Variants in TMEM272 observed in about 807,000 individuals in gnomAD.
The protein encoded by TMEM272 is long intergenic non-protein coding RNA 282.
Under a neutral mutation model 3.7 loss-of-function variants are expected in TMEM272, and 8 were observed. The ratio of observed to expected loss-of-function variants is 2.17; its 90% CI spans 1.27 to 3.91. TMEM272 has a LOEUF of 3.91. TMEM272 is among the 30% of genes most tolerant of loss of function. TMEM272 has a pLI of 0.00. For missense variants in TMEM272, 166 were observed against 91.5 expected, an observed-to-expected ratio of 1.81 and a Z score of -3.32; for synonymous variants, 63 against 39.8, an observed-to-expected ratio of 1.58 and a Z score of -2.20.
rs971255455 is a variant in TMEM272 at position 51,815,005 on chromosome 13, T to C, written c.*1746A>G. 2 of 152,660 alleles carry C rather than the reference T, an allele frequency of 1.3e-5. No individual in the cohort carries two copies. The highest frequency in any genetic ancestry group is 4.8e-5 in the African/African-American group (2 of 41,424). The allele number at this position is 152,660 out of a possible 1,614,324, so 9.5% of individuals were successfully genotyped here. On this transcript the variant is annotated 3_prime_UTR_variant, in exon 5 of 5. Transcript: ENST00000629372. ...TTTGCTGCTCACAGATGTCCAAGCA[T>C]TGGCTAAGTGACTGGGAATGGCTGA... is the stretch of plus-strand genomic sequence containing the variant.
chr13:51,909,038 C>T, the TMEM272 span: 6 of 1,478,340 alleles, frequency 4.1e-6, no homozygotes, highest in African/African-American at 4.2e-5. Context: ...GAAAAGCTCT[C>T]GTTTCAGATG....
intron 1 of TMEM272, among the ~76,000 whole-genome samples, chr13:51,841,257 A>G (rs770714652): frequency 5.3e-5 from 8 of 152,236 alleles, no homozygotes; most frequent in Non-Finnish European, 1.0e-4. Flanking sequence ...TGTACTTCAC[A>G]TCTTCCAGCC....
the TMEM272 span, chr13:51,933,068 C>T: frequency 7.2e-5 from 11 of 152,158 alleles, no homozygotes; most frequent in Non-Finnish European, 5.9e-5. Flanking sequence ...GTGAAACTAA[C>T]CATCCAAGGT....
intron 2 of TMEM272, among the ~76,000 whole-genome samples, chr13:51,832,838 C>T (rs1044863233): frequency 6.6e-6 from 1 of 152,206 alleles, no homozygotes; most frequent in African/African-American, 2.4e-5. Context: ...TTCTTGCATT[C>T]GACCAAGGTT....
At chr13:51,899,303 A>G in the TMEM272 span, among the ~76,000 whole-genome samples, 1 of 152,062 alleles carries the variant, frequency 6.6e-6, no homozygotes, top group Non-Finnish European at 1.5e-5. Context: ...CATAGGTGCA[A>G]GGCTTCATAA....
chr13:51,895,173 G>A, the TMEM272 span, among the ~76,000 whole-genome samples: 21,574 of 152,174 alleles, frequency 0.14, 1,917 homozygotes, highest in Middle Eastern at 0.23. Flanking sequence ...CCATGGACAA[G>A]TACTGGTCCA....
At chr13:51,834,031 C>T (rs1174960312) in intron 2 of TMEM272, among the ~76,000 whole-genome samples, 2 of 152,158 alleles carry the variant, frequency 1.3e-5, no homozygotes, top group African/African-American at 4.8e-5. Flanking sequence ...CCTAGGGAGG[C>T]GGCACCAGGT....
the TMEM272 span, among the ~76,000 whole-genome samples, chr13:51,860,958 T>G: frequency 1.3e-5 from 2 of 151,652 alleles, no homozygotes; most frequent in East Asian, 3.9e-4. Context: ...CACTGACAGA[T>G]GAATGGATAA....
chr13:51,895,911 T>G, the TMEM272 span, among the ~76,000 whole-genome samples: 1 of 152,314 alleles, frequency 6.6e-6, no homozygotes, highest in Admixed American at 6.5e-5. Flanking sequence ...CTTTTTTCCC[T>G]TTTTAAATTT....
chr13:51,933,223 T>C, the TMEM272 span: 1 of 152,178 alleles, frequency 6.6e-6, no homozygotes, highest in South Asian at 2.1e-4. Context: ...AGAAGGACAA[T>C]AAGAGTGAAG....
At chr13:51,847,535 T>C (rs1468019578), upstream of TMEM272, among the ~76,000 whole-genome samples, 1 of 152,232 alleles carries the variant, frequency 6.6e-6, no homozygotes, top group Non-Finnish European at 1.5e-5. Flanking sequence ...TTTGTGTGAA[T>C]ACATTCTATG....
At position 51,822,085 on chromosome 13, in the gene TMEM272, C is replaced by T. The variant is rs1017244793; in HGVS notation, c.171G>A (p.Leu57=). 1 of 702,290 alleles carries T rather than the reference C, an allele frequency of 1.4e-6. No homozygotes were observed. The highest frequency in any genetic ancestry group is 2.6e-6 in the Non-Finnish European group (1 of 384,968). 43.5% of individuals were successfully genotyped at this position (702,290 alleles called of 1,614,324 possible). ...CPIQPLIPLY[L]LVGGIVGTLK... ...AGGTACCGACGATGCCACCCACTAGCAAATATAAAGGAATGAGGGGCTGTA... is the reference window on the plus strand; with the variant it reads ...AGGTACCGACGATGCCACCCACTAGTAAATATAAAGGAATGAGGGGCTGTA... Residue 57 remains leucine (L), a synonymous_variant, in exon 4 of 5, where the codon TTG becomes TTA. Transcript: ENST00000629372.
At chr13:51,878,429 AAAAACAAAAC>A in the TMEM272 span, among the ~76,000 whole-genome samples, 1 of 152,112 alleles carries the variant, frequency 6.6e-6, no homozygotes, top group African/African-American at 2.4e-5. Flanking sequence ...GACTCTGTCA[AAAAACAAAAC>A]AAAACAAAAC....
the TMEM272 span, among the ~76,000 whole-genome samples, chr13:51,898,284 C>A: frequency 1.3e-5 from 2 of 151,854 alleles, no homozygotes; most frequent in South Asian, 2.1e-4. Context: ...AGTGCCCCTG[C>A]TCATAAACAT....
At chr13:51,902,159 T>C in the TMEM272 span, among the ~76,000 whole-genome samples, 11 of 152,146 alleles carry the variant, frequency 7.2e-5, no homozygotes, top group African/African-American at 2.7e-4. Flanking sequence ...AGAATAAATA[T>C]AGGTGGATTC....
chr13:51,922,350 C>T, the TMEM272 span, among the ~76,000 whole-genome samples: 1 of 152,200 alleles, frequency 6.6e-6, no homozygotes, highest in Non-Finnish European at 1.5e-5. Flanking sequence ...GTGGCCCAGG[C>T]TTAGGCTCCT....
chr13:51,886,653 T>TTAG, the TMEM272 span, among the ~76,000 whole-genome samples: 1 of 152,228 alleles, frequency 6.6e-6, no homozygotes, highest in Non-Finnish European at 1.5e-5. Context: ...TTACTTCAAG[T>TTAG]TATACTTACT....
At chr13:51,870,161 AG>A in the TMEM272 span, among the ~76,000 whole-genome samples, 1 of 152,168 alleles carries the variant, frequency 6.6e-6, no homozygotes, top group African/African-American at 2.4e-5. Flanking sequence ...AGTGGAGCCG[AG>A]GGGGTCATGA....
At chr13:51,903,942 CGT>C in the TMEM272 span, among the ~76,000 whole-genome samples, 37 of 136,658 alleles carry the variant, frequency 2.7e-4, no homozygotes, top group African/African-American at 8.1e-4. Flanking sequence ...CAGTCTTCCA[CGT>C]GTGTGTGTGT....
Sources: gnomAD v4.1 joint callset for allele counts (sites outside exome capture counted in the v4.1 genomes callset) on GRCh38, gnomAD v4.1.1 for gene constraint, MANE v1.5 for transcripts, NCBI Gene and HGNC (gene_info 2026-07-23, HGNC 2026-07-21) for gene names.